FHIT: variants seen among roughly 807,000 people sequenced by gnomAD.
FHIT encodes bis(5'-adenosyl)-triphosphatase.
FHIT carries 19 observed loss-of-function variants against 17.9 expected under a neutral mutation model. The observed-to-expected ratio is 1.06, with a 90% CI of 0.74 to 1.56. FHIT has a LOEUF of 1.56. Among genes scored for constraint, FHIT ranks in the 40% most tolerant of loss-of-function variants. FHIT has a pLI of 0.00. For synonymous variants in FHIT, 81 were observed against 69.7 expected, an observed-to-expected ratio of 1.16 and a Z score of -0.81; for missense variants, 248 against 189.2, an observed-to-expected ratio of 1.31 and a Z score of -1.82.
chr3:60,643,130 A>T (rs1185008489), intron 4 of FHIT, among the ~76,000 whole-genome samples: 1 of 152,078 alleles, frequency 6.6e-6, no homozygotes, highest in Non-Finnish European at 1.5e-5. Flanking sequence ...GCACCCAACT[A>T]TTGTCGAATG....
chr3:60,869,391 G>A lies in FHIT; in HGVS notation c.-110-47380C>T, dbSNP rs72889103. Among the ~76,000 whole-genome samples the A allele has an allele frequency of 8.3e-3, 1,259 of 152,186 alleles. 17 individuals are homozygous for A. Among genetic ancestry groups the A allele is most frequent in the African/African-American group, 0.028 (1,146 of 41,520 alleles). ...GATGCAGCCAGTTCCCCCCAGTGCCGGGAACCAGAAGGTGGGCAGGAACTC... is the reference window on the plus strand; with the variant it reads ...GATGCAGCCAGTTCCCCCCAGTGCCAGGAACCAGAAGGTGGGCAGGAACTC... On this transcript the variant is annotated intron_variant, in intron 3 of 9. Coordinates refer to ENST00000492590, the MANE Select transcript of FHIT (RefSeq NM_002012.4).
intron 5 of FHIT, among the ~76,000 whole-genome samples, chr3:60,528,143 A>C (rs1162655085): frequency 6.6e-6 from 1 of 152,008 alleles, no homozygotes; most frequent in Non-Finnish European, 1.5e-5. Flanking sequence ...CTAGCCAATA[A>C]ACTTTTCTTG....
At chr3:60,229,398 C>T (rs1328987700) in intron 5 of FHIT, among the ~76,000 whole-genome samples, 1 of 121,676 alleles carries the variant, frequency 8.2e-6, no homozygotes, top group Non-Finnish European at 1.7e-5. Flanking sequence ...GCCTGAGCAA[C>T]AAAGTGAGTG....
chr3:60,302,290 G>A (rs1036893950), intron 5 of FHIT, among the ~76,000 whole-genome samples: 2 of 152,050 alleles, frequency 1.3e-5, no homozygotes, highest in African/African-American at 4.8e-5. Flanking sequence ...TATCTTCAGT[G>A]TGGGATGCCC....
intron 5 of FHIT, among the ~76,000 whole-genome samples, chr3:60,314,404 C>A (rs1709077816): frequency 6.6e-6 from 1 of 152,088 alleles, no homozygotes; most frequent in Non-Finnish European, 1.5e-5. Context: ...AGTCTAAGTT[C>A]ACCCGAGCCT....
chr3:61,228,873 G>A (rs180708934), intron 1 of FHIT, among the ~76,000 whole-genome samples: 194 of 152,268 alleles, frequency 1.3e-3, no homozygotes, highest in African/African-American at 4.1e-3. Context: ...AGGCCATTCC[G>A]TTTTACTGAG....
At chr3:60,092,182 G>A (rs1292789724) in intron 5 of FHIT, among the ~76,000 whole-genome samples, 1 of 152,176 alleles carries the variant, frequency 6.6e-6, no homozygotes, top group African/African-American at 2.4e-5. Flanking sequence ...TCTGTTAAAT[G>A]AATGAAAATG....
At chr3:60,856,005 G>C (rs1394398660) in intron 3 of FHIT, among the ~76,000 whole-genome samples, 2 of 152,150 alleles carry the variant, frequency 1.3e-5, no homozygotes, top group Non-Finnish European at 2.9e-5. Context: ...ACCTCTGTTT[G>C]AATGAGAGAA....
At chr3:59,948,734 T>C (rs1057342235) in intron 7 of FHIT, among the ~76,000 whole-genome samples, 1 of 152,112 alleles carries the variant, frequency 6.6e-6, no homozygotes, top group African/African-American at 2.4e-5. Context: ...ACGTTGAGTA[T>C]CTTTTCATGT....
At position 60,452,414 on chromosome 3, in the gene FHIT, T is replaced by C. The variant is rs900928137; in HGVS notation, c.103+84446A>G. Among the ~76,000 whole-genome samples, 5 of 152,118 alleles carry C rather than the reference T, an allele frequency of 3.3e-5. No homozygotes were observed. In the East Asian group the frequency reaches 9.6e-4, roughly 29 times the overall value. ...CTGTGTACCCAAGATGACTAAATTA[T>C]TGGAAAGTAAGTGGTAACATAGTAA... On this transcript the variant is annotated intron_variant, in intron 5 of 9. Transcript: ENST00000492590.
rs189058505 is a variant in FHIT at position 60,694,627 on chromosome 3, C to T, written c.-18+127292G>A. Among the ~76,000 whole-genome samples, 64 of 152,220 alleles carry T rather than the reference C, an allele frequency of 4.2e-4. 1 individual carries two copies. Among genetic ancestry groups the T allele is most frequent in the African/African-American group, 1.4e-3 (58 of 41,528 alleles). Reference sequence around the variant, plus strand: ...GACACATGCACACATATGTTTATTGCGGCACTATTCACAATAGCAAAGACC... The same window carrying T: ...GACACATGCACACATATGTTTATTGTGGCACTATTCACAATAGCAAAGACC... On this transcript the variant is annotated intron_variant, in intron 4 of 9. Transcript: ENST00000492590.
At chr3:60,105,492 TG>T (rs1406019430) in intron 5 of FHIT, among the ~76,000 whole-genome samples, 2 of 152,178 alleles carry the variant, frequency 1.3e-5, no homozygotes, top group Non-Finnish European at 2.9e-5. Context: ...ACATTTAAAA[TG>T]TAAGAGGACA....
chr3:60,034,129 G>T (rs996013996), intron 5 of FHIT, among the ~76,000 whole-genome samples: 9 of 152,226 alleles, frequency 5.9e-5, no homozygotes, highest in Non-Finnish European at 1.2e-4. Flanking sequence ...TCATAAGGTA[G>T]GTACTCTAAC....
chr3:59,831,295 T>C (rs1040512016), intron 8 of FHIT, among the ~76,000 whole-genome samples: 1 of 152,180 alleles, frequency 6.6e-6, no homozygotes, highest in Non-Finnish European at 1.5e-5. Flanking sequence ...ATGATGATGA[T>C]GATGACAGTA....
intron 2 of FHIT, among the ~76,000 whole-genome samples, chr3:61,177,432 TA>T (rs1336533904): frequency 1.3e-5 from 2 of 152,248 alleles, no homozygotes; most frequent in East Asian, 3.9e-4. Context: ...TCCTGATCTT[TA>T]AAAATAAAAA....
chr3:59,816,747 C>G (rs141924671), intron 8 of FHIT, among the ~76,000 whole-genome samples: 1 of 152,184 alleles, frequency 6.6e-6, no homozygotes, highest in African/African-American at 2.4e-5. Context: ...TCTCCTTGAA[C>G]GATCTTATCC....
intron 4 of FHIT, among the ~76,000 whole-genome samples, chr3:60,694,901 C>T (rs1186044001): frequency 2.6e-5 from 4 of 151,868 alleles, no homozygotes; most frequent in Admixed American, 2.0e-4. Flanking sequence ...ACATCACACA[C>T]CGGGGCCTGT....
chr3:60,605,615 C>A (rs112309042), intron 4 of FHIT, among the ~76,000 whole-genome samples: 25 of 152,314 alleles, frequency 1.6e-4, no homozygotes, highest in African/African-American at 5.8e-4. Context: ...GTGCTGCAGG[C>A]TAAAACTACA....
chr3:60,964,259 C>A (rs1473878605), intron 3 of FHIT, among the ~76,000 whole-genome samples: 3 of 150,052 alleles, frequency 2.0e-5, no homozygotes, highest in Non-Finnish European at 4.4e-5. Context: ...GCAACCCCTG[C>A]TTGTTTTTTT....
Sources: allele counts gnomAD v4.1 joint callset (sites outside exome capture counted in the v4.1 genomes callset), GRCh38; gene constraint gnomAD v4.1.1; transcripts MANE v1.5; gene names NCBI Gene and HGNC (gene_info 2026-07-23, HGNC 2026-07-21).